Variants in LAMA3 observed in about 807,000 individuals in gnomAD.
LAMA3 encodes the protein laminin subunit alpha 3.
Under a neutral mutation model 402.0 loss-of-function variants are expected in LAMA3, and 281 were observed. That is an observed-to-expected ratio of 0.70 (90% CI 0.63 to 0.77). The LOEUF is 0.77. LAMA3 is among the 30% of genes least tolerant of loss of function. The pLI is 0.00. For missense variants in LAMA3, 3,840 were observed against 4,215.5 expected, an observed-to-expected ratio of 0.91 and a Z score of 2.47; for synonymous variants, 1,431 against 1,558.4, an observed-to-expected ratio of 0.92 and a Z score of 1.93.
intron 52 of LAMA3, among the ~76,000 whole-genome samples, chr18:23,906,537 A>G (rs971564191): frequency 2.6e-5 from 4 of 152,166 alleles, no homozygotes; most frequent in Non-Finnish European, 5.9e-5. Flanking sequence ...GTCATCCATG[A>G]GTCCAAGGCC....
intron 70 of LAMA3, among the ~76,000 whole-genome samples, chr18:23,948,487 T>C (rs2082786200): frequency 6.6e-6 from 1 of 152,142 alleles, no homozygotes; most frequent in Non-Finnish European, 1.5e-5. Flanking sequence ...CTTAAGAAAC[T>C]AAAAGTTTCA....
Position 23,784,240 on chromosome 18 carries a change from A to G in LAMA3, c.1603+83A>G. On this transcript the variant is annotated intron_variant, in intron 12 of 74. Transcript: ENST00000313654. ...GAGGAAATGCAGATCTTTCTGGCAGAGCTGTCTGGCTTGCAGTTTAATAAA... is the reference window on the plus strand; with the variant it reads ...GAGGAAATGCAGATCTTTCTGGCAGGGCTGTCTGGCTTGCAGTTTAATAAA... 4 of 1,547,538 alleles carry G rather than the reference A, an allele frequency of 2.6e-6. 1 individual carries two copies. The highest frequency in any genetic ancestry group is 3.6e-6 in the Non-Finnish European group (4 of 1,122,810).
rs2081632831 is a variant in LAMA3, at chr18:23,916,616, C to T, written c.7844C>T (p.Pro2615Leu). The T allele has an allele frequency of 6.2e-7, 1 of 1,613,892 alleles. No individual in the cohort carries two copies. Among genetic ancestry groups the T allele is most frequent in the African/African-American group, 1.3e-5 (1 of 74,896 alleles). ...GGCTATGCTCGAGTTCCAACTCAACCACATGCTCCCATCCCAACCTTTGGA... is the reference window on the plus strand; with the variant it reads ...GGCTATGCTCGAGTTCCAACTCAACTACATGCTCCCATCCCAACCTTTGGA... Reference protein sequence around the residue: ...GTGYARVPTQPHAPIPTFGQT... With the variant: ...GTGYARVPTQLHAPIPTFGQT... The change falls in exon 60 of 75, where the codon CCA (proline) becomes CTA (leucine). Residue 2615 changes from proline to leucine, a missense_variant. By Grantham distance (98) the Pro-to-Leu change is moderately conservative (BLOSUM62 -3). Coordinates refer to ENST00000313654, the MANE Select transcript of LAMA3 (RefSeq NM_198129.4).
At chr18:23,790,650 A>G (rs2062631831) in intron 12 of LAMA3, among the ~76,000 whole-genome samples, 1 of 152,206 alleles carries the variant, frequency 6.6e-6, no homozygotes, top group Admixed American at 6.5e-5. Context: ...GTCATAGAAC[A>G]TTTGGGTGAA....
chr18:23,859,941 C>T (rs573921391), intron 34 of LAMA3, among the ~76,000 whole-genome samples: 19 of 152,306 alleles, frequency 1.2e-4, no homozygotes, highest in Admixed American at 9.8e-4. Flanking sequence ...TCAGCCACCA[C>T]TTATCTCATT....
chr18:23,861,121 C>G (rs756924370), intron 34 of LAMA3, among the ~76,000 whole-genome samples: 21 of 151,818 alleles, frequency 1.4e-4, no homozygotes, highest in Non-Finnish European at 2.1e-4. Flanking sequence ...AGTCTCTTAT[C>G]CCCTGGGAAC....
intron 2 of LAMA3, among the ~76,000 whole-genome samples, chr18:23,729,122 A>G (rs376322053): frequency 6.1e-5 from 9 of 146,972 alleles, no homozygotes; most frequent in Non-Finnish European, 1.2e-4. Flanking sequence ...TTGTGTGTGT[A>G]TGTGTGTGTG....
rs900100444 is a variant in LAMA3 at position 23,873,086 on chromosome 18, G to A, written c.4998+1425G>A. On this transcript the variant is annotated intron_variant, in intron 38 of 74. Coordinates refer to ENST00000313654, the MANE Select transcript of LAMA3 (RefSeq NM_198129.4). ...GGCGGTCAGCCTGCAGCATGGGATG[G>A]CTGTGGATCTTTGGGGCAGCCCTGG... The A allele has an allele frequency of 1.9e-6, 3 of 1,614,220 alleles. No homozygotes were observed. The highest frequency in any genetic ancestry group is 1.1e-5 in the South Asian group (1 of 91,084).
At chr18:23,876,207 A>C in intron 38 of LAMA3, 87 bp from the exon 39 acceptor site, 2 of 867,972 alleles carry the variant, frequency 2.3e-6, no homozygotes, top group Non-Finnish European at 3.9e-6. Flanking sequence ...AAATGATGTG[A>C]ATGCTTCACA....
chr18:23,779,502 A>G (rs1464766346), intron 11 of LAMA3, among the ~76,000 whole-genome samples: 1 of 152,104 alleles, frequency 6.6e-6, no homozygotes, highest in Admixed American at 6.5e-5. Context: ...GGGTGACTCC[A>G]AGGCTTTTCG....
intron 8 of LAMA3, among the ~76,000 whole-genome samples, chr18:23,772,786 GTCC>G (rs2062229683): frequency 6.6e-6 from 1 of 152,150 alleles, no homozygotes. Flanking sequence ...AAAGAACATT[GTCC>G]TCCTAATTAT....
chr18:23,724,234 TAGTCAATGGTATG>T (rs1404938488), intron 2 of LAMA3, among the ~76,000 whole-genome samples: 1 of 152,222 alleles, frequency 6.6e-6, no homozygotes, highest in Non-Finnish European at 1.5e-5. Context: ...GGCTGAGTAA[TAGTCAATGGTATG>T]TACGTATACA....
intron 2 of LAMA3, among the ~76,000 whole-genome samples, chr18:23,715,284 G>T (rs1171099019): frequency 1.4e-5 from 2 of 146,820 alleles, no homozygotes; most frequent in East Asian, 4.0e-4. Flanking sequence ...CAATAAAACT[G>T]TTAAAAAAAA....
chr18:23,874,437 T>A (rs1485907963), intron 38 of LAMA3, among the ~76,000 whole-genome samples: 1 of 152,260 alleles, frequency 6.6e-6, no homozygotes, highest in Non-Finnish European at 1.5e-5. Context: ...TATAACAACA[T>A]AATCTATTTA....
chr18:23,930,159 A>C (rs1057276559), intron 64 of LAMA3, among the ~76,000 whole-genome samples: 3 of 152,224 alleles, frequency 2.0e-5, no homozygotes, highest in African/African-American at 7.2e-5. Context: ...TATACTTGGT[A>C]GAAAAAACAC....
intron 12 of LAMA3, among the ~76,000 whole-genome samples, chr18:23,804,337 C>T (rs1208358123): frequency 6.6e-6 from 1 of 152,212 alleles, no homozygotes; most frequent in Admixed American, 6.5e-5. Context: ...ACAGCTTACA[C>T]AGCAGCCTGG....
intron 59 of LAMA3, among the ~76,000 whole-genome samples, chr18:23,915,972 C>A (rs1199112758): frequency 8.1e-6 from 1 of 123,010 alleles, no homozygotes; most frequent in East Asian, 2.5e-4. Context: ...TGCCACTGCA[C>A]TCCAGCCTGG....
chr18:23,753,494 G>A (rs2061788284), intron 5 of LAMA3, among the ~76,000 whole-genome samples: 1 of 152,094 alleles, frequency 6.6e-6, no homozygotes, highest in Non-Finnish European at 1.5e-5. Flanking sequence ...TTCCCTTCAT[G>A]AACTTCAAGC....
intron 12 of LAMA3, among the ~76,000 whole-genome samples, chr18:23,784,829 T>G (rs1452376863): frequency 1.3e-5 from 2 of 152,194 alleles, no homozygotes; most frequent in Non-Finnish European, 2.9e-5. Flanking sequence ...ACATTATTCT[T>G]CTTTCTGCAG....
Sources: gnomAD v4.1 joint callset for allele counts (sites outside exome capture counted in the v4.1 genomes callset) on GRCh38, gnomAD v4.1.1 for gene constraint, MANE v1.5 for transcripts, NCBI Gene and HGNC (gene_info 2026-07-23, HGNC 2026-07-21) for gene names.